Variants in CNTN3 observed in about 807,000 individuals in gnomAD.
The protein encoded by CNTN3 is contactin-3.
Under a neutral mutation model 119.1 loss-of-function variants are expected in CNTN3, and 60 were observed. That is an observed-to-expected ratio of 0.50 (90% confidence interval 0.41 to 0.62). The LOEUF is 0.62. Among genes scored for constraint, CNTN3 ranks in the 20% least tolerant of loss-of-function variants. The pLI is 0.00. For missense variants in CNTN3, 1,101 were observed against 1,242.4 expected (o/e 0.89, Z 1.71); for synonymous variants, 450 against 438.7 (o/e 1.03, Z -0.32).
At chr3:74,446,838 A>G (rs1052069953) in intron 4 of CNTN3, among the ~76,000 whole-genome samples, 4 of 152,130 alleles carry the variant, frequency 2.6e-5, no homozygotes, top group African/African-American at 9.7e-5. Context: ...GATCAGGGTC[A>G]TAGGGTATAA....
At chr3:74,537,405 G>A (rs1029745484) in intron 1 of CNTN3, among the ~76,000 whole-genome samples, 2 of 152,106 alleles carry the variant, frequency 1.3e-5, no homozygotes, top group Non-Finnish European at 2.9e-5. Context: ...ATAATTTCCA[G>A]GCACCAGGCC....
chr3:74,285,790 G>GATATGTATATATATATATAT (rs1702099889), intron 19 of CNTN3, among the ~76,000 whole-genome samples: 1 of 56,514 alleles, frequency 1.8e-5, no homozygotes, highest in Non-Finnish European at 4.0e-5. Flanking sequence ...ATGAAGGGGA[G>GATATGTATATATATATATAT]ATATATATAT....
chr3:74,470,921 A>T (rs1702549470), intron 4 of CNTN3, among the ~76,000 whole-genome samples: 1 of 151,980 alleles, frequency 6.6e-6, no homozygotes, highest in Non-Finnish European at 1.5e-5. Flanking sequence ...CTGTTGCCCA[A>T]GCTAGAGTGC....
At chr3:74,422,035 A>T (rs1006979917) in intron 5 of CNTN3, among the ~76,000 whole-genome samples, 3 of 152,194 alleles carry the variant, frequency 2.0e-5, no homozygotes, top group Non-Finnish European at 4.4e-5. Context: ...CCAAATTTTT[A>T]AAAATGTATT....
rs865941656 is a variant in CNTN3 at position 74,366,784 on chromosome 3, A to G, written c.947-1082T>C. 1.9e-3 allele frequency among the ~76,000 whole-genome samples: 220 copies of G among 113,048 alleles called. 3 individuals are homozygous for G. The highest frequency in any genetic ancestry group is 4.2e-3 in the Middle Eastern group (1 of 238). The allele number at this position is 113,048 out of a possible 152,430, so 74.2% of individuals were successfully genotyped here. On this transcript the variant is annotated intron_variant, in intron 8 of 22. Transcript: ENST00000263665. ...CGTGTGTGTGTGTGTGTGTGTGTATATATATATATATATATATATATATAA... is the reference window on the plus strand; with the variant it reads ...CGTGTGTGTGTGTGTGTGTGTGTATGTATATATATATATATATATATATAA...
chr3:74,536,655 T>C (rs77816160), intron 1 of CNTN3, among the ~76,000 whole-genome samples: 2,912 of 152,198 alleles, frequency 0.019, 114 homozygotes, highest in African/African-American at 0.067. Context: ...GTTCAGAGCA[T>C]GGACTCCACT....
chr3:74,401,583 AAC>A (rs2106850496), intron 5 of CNTN3, among the ~76,000 whole-genome samples: 1 of 152,270 alleles, frequency 6.6e-6, no homozygotes, highest in South Asian at 2.1e-4. Flanking sequence ...ATTTAAAAAT[AAC>A]AGTCATAAGA....
At chr3:74,430,922 G>A (rs1002429754) in intron 4 of CNTN3, among the ~76,000 whole-genome samples, 56 of 151,978 alleles carry the variant, frequency 3.7e-4, no homozygotes, top group Non-Finnish European at 6.8e-4. Context: ...TGCTGACCCC[G>A]CTTCTGGCCA....
chr3:74,549,264 G>A (rs577445997), intron 1 of CNTN3, among the ~76,000 whole-genome samples: 8 of 152,118 alleles, frequency 5.3e-5, no homozygotes, highest in Non-Finnish European at 1.0e-4. Context: ...TGCCAGCCAC[G>A]TGAAAATGTG....
At chr3:74,459,434 T>C (rs1175325027) in intron 4 of CNTN3, among the ~76,000 whole-genome samples, 2 of 152,034 alleles carry the variant, frequency 1.3e-5, no homozygotes, top group Admixed American at 6.6e-5. Context: ...AAGCTCACGC[T>C]CCTACTGACC....
intron 1 of CNTN3, among the ~76,000 whole-genome samples, chr3:74,529,947 C>T (rs1703670857): frequency 1.4e-5 from 2 of 142,250 alleles, no homozygotes; most frequent in East Asian, 2.1e-4. Context: ...AAAGTGCTAA[C>T]GAGAACTTTT....
At chr3:74,499,214 G>C (rs961343878) in intron 3 of CNTN3, among the ~76,000 whole-genome samples, 9 of 151,592 alleles carry the variant, frequency 5.9e-5, no homozygotes, top group African/African-American at 2.2e-4. Context: ...AAATGACTTT[G>C]GTAAGAATAC....
At chr3:74,518,455 C>T (rs967868332) in intron 2 of CNTN3, among the ~76,000 whole-genome samples, 4 of 151,866 alleles carry the variant, frequency 2.6e-5, no homozygotes, top group Admixed American at 2.0e-4. Context: ...GCTATCAAAT[C>T]ATATTACACT....
chr3:74,492,006 T>C (rs1702973955), intron 3 of CNTN3, among the ~76,000 whole-genome samples: 1 of 152,148 alleles, frequency 6.6e-6, no homozygotes, highest in African/African-American at 2.4e-5. Flanking sequence ...AACATTTACA[T>C]TGTGCTCCAG....
chr3:74,367,123 T>A (rs1575664281), intron 8 of CNTN3, among the ~76,000 whole-genome samples: 1 of 152,076 alleles, frequency 6.6e-6, no homozygotes, highest in South Asian at 2.1e-4. Flanking sequence ...ATAGACTATT[T>A]TTTACATGAA....
intron 13 of CNTN3, among the ~76,000 whole-genome samples, chr3:74,306,397 A>G (rs1702564644): frequency 6.6e-6 from 1 of 152,184 alleles, no homozygotes; most frequent in Non-Finnish European, 1.5e-5. Context: ...ATCTTTGGAC[A>G]AATTCTTAGA....
intron 2 of CNTN3, among the ~76,000 whole-genome samples, chr3:74,510,886 G>A (rs952949134): frequency 7.2e-5 from 11 of 151,878 alleles, no homozygotes; most frequent in Middle Eastern, 3.4e-3. Context: ...TCCACATCTC[G>A]GTCCCTTAAT....
At chr3:74,397,686 T>C (rs1705090848) in intron 5 of CNTN3, among the ~76,000 whole-genome samples, 1 of 152,182 alleles carries the variant, frequency 6.6e-6, no homozygotes, top group South Asian at 2.1e-4. Context: ...TTCAAGATTG[T>C]AGGTGCCGTA....
intron 1 of CNTN3, among the ~76,000 whole-genome samples, chr3:74,599,084 T>C (rs187442486): frequency 2.6e-5 from 4 of 152,130 alleles, no homozygotes; most frequent in Admixed American, 1.3e-4. Context: ...TTAATCCACA[T>C]TGAGTGATGC....
Sources: allele counts gnomAD v4.1 joint callset (sites outside exome capture counted in the v4.1 genomes callset), GRCh38; gene constraint gnomAD v4.1.1; transcripts MANE v1.5; gene names NCBI Gene and HGNC (gene_info 2026-07-23, HGNC 2026-07-21).